The following CLSTN2 variants were observed in gnomAD, a reference collection of about 807,000 sequenced individuals.
The protein encoded by CLSTN2 is calsyntenin 2, also known as calsyntenin-2.
A neutral mutation model predicts 101.2 loss-of-function variants in CLSTN2; 48 were observed. That is an observed-to-expected ratio of 0.47 (90% confidence interval 0.38 to 0.60). The LOEUF (loss-of-function observed/expected upper bound fraction) is 0.60. Ranked by LOEUF, CLSTN2 falls within the 20% of genes least tolerant of loss-of-function variation. The pLI is 0.00. For missense variants in CLSTN2, 1,160 were observed against 1,238.2 expected, an observed-to-expected ratio of 0.94 and a Z score of 0.95; for synonymous variants, 481 against 463.6, an observed-to-expected ratio of 1.04 and a Z score of -0.48.
intron 2 of CLSTN2, among the ~76,000 whole-genome samples, chr3:140,378,561 C>T (rs925097906): frequency 3.3e-5 from 5 of 152,192 alleles, no homozygotes; most frequent in African/African-American, 1.2e-4. Flanking sequence ...TAATATCTGC[C>T]TGCCAGGGAC....
intron 1 of CLSTN2, among the ~76,000 whole-genome samples, chr3:140,007,173 A>C (rs994505824): frequency 6.6e-6 from 1 of 151,822 alleles, no homozygotes; most frequent in Admixed American, 6.6e-5. Flanking sequence ...ATGGGGTGGG[A>C]GACTGTCCAT....
chr3:140,243,957 C>T (rs1317191328), intron 2 of CLSTN2, among the ~76,000 whole-genome samples: 1 of 152,220 alleles, frequency 6.6e-6, no homozygotes, highest in Admixed American at 6.5e-5. Context: ...ACTGCCCCCT[C>T]TTTGTGCAAC....
At chr3:140,041,154 T>C (rs1022366642) in intron 1 of CLSTN2, among the ~76,000 whole-genome samples, 4 of 152,184 alleles carry the variant, frequency 2.6e-5, no homozygotes, top group Non-Finnish European at 4.4e-5. Context: ...TGTTCATTTT[T>C]ATCATCTTGA....
At chr3:140,487,528 T>C (rs940814333) in intron 8 of CLSTN2, among the ~76,000 whole-genome samples, 3 of 152,248 alleles carry the variant, frequency 2.0e-5, no homozygotes, top group Non-Finnish European at 2.9e-5. Context: ...GTGTCCAAAG[T>C]AGAAAACAGA....
intron 2 of CLSTN2, among the ~76,000 whole-genome samples, chr3:140,261,834 G>A (rs1443600929): frequency 6.6e-6 from 1 of 152,106 alleles, no homozygotes. Context: ...TCCAACAGTA[G>A]GAGACCTGGT....
chr3:139,935,493 G>T lies in CLSTN2; in HGVS notation c.109+10G>T. 8.2e-7 allele frequency: 1 copy of T among 1,213,328 alleles called. No homozygotes were observed. Among genetic ancestry groups the T allele is most frequent in the South Asian group, 4.2e-5 (1 of 23,830 alleles). 75.2% of individuals were successfully genotyped at this position (1,213,328 alleles called of 1,614,324 possible). A position where few individuals can be genotyped will look rare whatever the true frequency, so the allele number is the denominator to read the frequency against. ...CTCCTCGCGGCTAAAGGTGGGTGCT[G>T]GGGAAGTTTGCTCTTCTCCCAGGAG... On this transcript the variant is annotated intron_variant, in intron 1 of 16. Coordinates refer to ENST00000458420, the MANE Select transcript of CLSTN2 (RefSeq NM_022131.3). The surrounding 1 kb of genome is among the most constrained non-coding windows in gnomAD (Gnocchi z 5.5).
At chr3:140,279,301 G>A (rs557049210) in intron 2 of CLSTN2, among the ~76,000 whole-genome samples, 3 of 152,308 alleles carry the variant, frequency 2.0e-5, no homozygotes, top group African/African-American at 2.4e-5. Context: ...CTCAGCATCC[G>A]AATTCAGCAC....
At chr3:140,185,334 A>G (rs2010470442) in intron 2 of CLSTN2, among the ~76,000 whole-genome samples, 1 of 152,194 alleles carries the variant, frequency 6.6e-6, no homozygotes, top group Non-Finnish European at 1.5e-5. Context: ...AACAAAAAAT[A>G]AAGAACAAGA....
chr3:140,479,890 A>G (rs1226447703), intron 8 of CLSTN2, among the ~76,000 whole-genome samples: 1 of 152,212 alleles, frequency 6.6e-6, no homozygotes, highest in Non-Finnish European at 1.5e-5. Flanking sequence ...ATAAATACAA[A>G]GAAAGCAATA....
intron 1 of CLSTN2, among the ~76,000 whole-genome samples, chr3:140,140,225 G>A (rs1015619439): frequency 4.6e-5 from 7 of 152,110 alleles, no homozygotes; most frequent in African/African-American, 1.7e-4. Context: ...TAGCTTATTT[G>A]CATTGCTATG....
Position 140,105,209 on chromosome 3 carries a change from T to G in CLSTN2, c.110-70742T>G, listed in dbSNP as rs190105136. Among the ~76,000 whole-genome samples the G allele has an allele frequency of 4.9e-3, 746 of 152,354 alleles. 5 individuals are homozygous for G. The highest frequency in any genetic ancestry group is 8.6e-3 in the Non-Finnish European group (585 of 68,032). On this transcript the variant is annotated intron_variant, in intron 1 of 16. Coordinates refer to ENST00000458420, the MANE Select transcript of CLSTN2 (RefSeq NM_022131.3). ...TCATCTTTAAGTAATCTAGTCTGAC[T>G]TTAGCTGCTTTATTAAAGTTACTGA...
chr3:140,315,939 A>ATCC (rs1424415979), intron 2 of CLSTN2, among the ~76,000 whole-genome samples: 1 of 152,132 alleles, frequency 6.6e-6, no homozygotes, highest in Non-Finnish European at 1.5e-5. Context: ...AAGGCAATTG[A>ATCC]TCAGAGAGAG....
chr3:140,554,337 G>C (rs1163403210), intron 10 of CLSTN2, among the ~76,000 whole-genome samples: 1 of 152,160 alleles, frequency 6.6e-6, no homozygotes, highest in Non-Finnish European at 1.5e-5. Context: ...ACACAGAACA[G>C]AACACCCTTA....
chr3:140,270,817 G>A (rs77021948), intron 2 of CLSTN2, among the ~76,000 whole-genome samples: 5,273 of 152,188 alleles, frequency 0.035, 191 homozygotes, highest in African/African-American at 0.087. Flanking sequence ...TTACCTAGTC[G>A]CTGGTAGCAG....
intron 2 of CLSTN2, among the ~76,000 whole-genome samples, chr3:140,390,802 C>T (rs1449164182): frequency 1.3e-5 from 2 of 152,150 alleles, no homozygotes; most frequent in African/African-American, 4.8e-5. Context: ...TCAGGGGTGA[C>T]CTCTGTTGTC....
chr3:140,053,214 T>A (rs1012156433), intron 1 of CLSTN2, among the ~76,000 whole-genome samples: 1 of 152,124 alleles, frequency 6.6e-6, no homozygotes, highest in Non-Finnish European at 1.5e-5. Context: ...GGATGGGAGG[T>A]AATTTCACGC....
chr3:140,435,075 T>A (rs1428410245), intron 5 of CLSTN2, among the ~76,000 whole-genome samples: 1 of 152,180 alleles, frequency 6.6e-6, no homozygotes, highest in East Asian at 1.9e-4. Flanking sequence ...GTCAATCAAA[T>A]TGTATTCTTT....
chr3:140,541,946 C>G (rs1054156950), intron 9 of CLSTN2, among the ~76,000 whole-genome samples: 13 of 152,284 alleles, frequency 8.5e-5, no homozygotes, highest in Admixed American at 4.6e-4. Context: ...CCATGACCCT[C>G]CCTGCGACAA....
chr3:140,300,357 G>C (rs2087046178), intron 2 of CLSTN2, among the ~76,000 whole-genome samples: 1 of 152,114 alleles, frequency 6.6e-6, no homozygotes, highest in Non-Finnish European at 1.5e-5. Flanking sequence ...TCTCCTACCT[G>C]TCTTGCTTCC....
Sources: gnomAD v4.1 joint callset for allele counts (sites outside exome capture counted in the v4.1 genomes callset) on GRCh38, gnomAD v4.1.1 for gene constraint, Gnocchi (gnomAD v3.1) non-coding constraint, MANE v1.5 for transcripts, NCBI Gene and HGNC (gene_info 2026-07-23, HGNC 2026-07-21) for gene names.